The following HOXC6 variants were observed in gnomAD, a reference collection of about 807,000 sequenced individuals.
HOXC6 encodes homeobox C6, also known as homeobox protein Hox-C6.
In HOXC6, 10 loss-of-function variants were observed where a neutral mutation model predicts 24.0. That is an observed-to-expected ratio of 0.42 (90% confidence interval 0.26 to 0.71). HOXC6 has a LOEUF of 0.71. Ranked by LOEUF, HOXC6 falls within the 30% of genes least tolerant of loss-of-function variation. HOXC6 has a pLI of 0.28. For synonymous variants in HOXC6, 123 were observed against 128.1 expected, an observed-to-expected ratio of 0.96 and a Z score of 0.27; for missense variants, 258 against 303.4, an observed-to-expected ratio of 0.85 and a Z score of 1.11.
rs776708657 is a variant in HOXC6, at chr12:54,028,843, CA to C, written c.323del (p.Gln108ArgfsTer22). Reference sequence around the variant, plus strand: ...AATCGCTCAGGATTTTAGTTCTGAGCAGGGCAGGACTGCGCCCCAGGACCAG... The same window carrying C: ...AATCGCTCAGGATTTTAGTTCTGAGCGGGCAGGACTGCGCCCCAGGACCAG... ...TSIAQDFSSE[Q>X]GRTAPQDQKA... On this transcript the variant is annotated frameshift_variant, in exon 1 of 2. Coordinates refer to ENST00000243108, the MANE Select transcript of HOXC6 (RefSeq NM_004503.4). LOFTEE classifies it high-confidence loss of function. 6.2e-7 allele frequency: 1 copy of C among 1,614,144 alleles called. No individual in the cohort carries two copies. The highest frequency in any genetic ancestry group is 2.2e-5 in the East Asian group (1 of 44,892).
At chr12:54,028,246 C>CAT (rs147627891), upstream of HOXC6, 17,723 of 148,930 alleles carry the variant, frequency 0.12, 1,068 homozygotes, top group Non-Finnish European at 0.14. Flanking sequence ...AGTTCCCTTA[C>CAT]ATATATATAT....
intron 1 of HOXC6, among the ~76,000 whole-genome samples, chr12:54,017,655 G>A (rs1184914723): frequency 1.3e-5 from 2 of 152,112 alleles, no homozygotes; most frequent in Non-Finnish European, 2.9e-5. Flanking sequence ...TTGGGGGTGG[G>A]GAGGCAAGGG....
In HOXC6 at chr12:54,029,933, G is replaced by A. The variant is rs201035626; in HGVS notation, c.679G>A (p.Glu227Lys). ...GGGCGGAAAAGAGGAAAAGCGGGAA[G>A]AGACAGAAGAGGAGAAGCAGAAAGA... Reference protein sequence around the residue: ...SLGGKEEKREETEEEKQKE With the variant: ...SLGGKEEKREKTEEEKQKE Residue 227 changes from glutamate (E) to lysine (K), a missense_variant, in exon 2 of 2, where the codon GAG becomes AAG. Coordinates refer to ENST00000243108, the MANE Select transcript of HOXC6 (RefSeq NM_004503.4). 1.3e-4 allele frequency: 204 copies of A among 1,596,360 alleles called. No individual in the cohort carries two copies. Among genetic ancestry groups the A allele is most frequent in the Middle Eastern group, 3.4e-4 (2 of 5,958 alleles).
intron 1 of HOXC6, among the ~76,000 whole-genome samples, chr12:54,017,962 C>T: frequency 6.6e-6 from 1 of 152,154 alleles, no homozygotes; most frequent in East Asian, 1.9e-4. Context: ...CAGTGTGGGC[C>T]CAGGGCCGGG....
chr12:54,028,366 A>C, upstream of HOXC6: 1 of 727,678 alleles, frequency 1.4e-6, no homozygotes. Flanking sequence ...CCTTCCTGAC[A>C]TCTGGCTTGC....
upstream of HOXC6, among the ~76,000 whole-genome samples, chr12:54,024,277 C>T (rs1254883635): frequency 6.6e-6 from 1 of 152,168 alleles, no homozygotes; most frequent in African/African-American, 2.4e-5. Flanking sequence ...CGGTCGCGTC[C>T]AGGCAGCTGA....
At chr12:54,020,462 A>C (rs1940386298) in intron 1 of HOXC6, 1 of 152,184 alleles carries the variant, frequency 6.6e-6, no homozygotes, top group Non-Finnish European at 1.5e-5. Flanking sequence ...TGTGATCCCG[A>C]CAGAATGCGA....
At position 54,028,663 on chromosome 12, in the gene HOXC6, C is replaced by T; in HGVS notation, c.142C>T (p.Arg48Trp). 3 of 1,614,078 alleles carry T rather than the reference C, an allele frequency of 1.9e-6. No homozygotes were observed. The highest frequency in any genetic ancestry group is 2.5e-6 in the Non-Finnish European group (3 of 1,180,016). ...CTATGGAGCGGCCGTTGCCCAGAACCGGATCTACTCGACTCCCTTTTATTC... is the reference window on the plus strand; with the variant it reads ...CTATGGAGCGGCCGTTGCCCAGAACTGGATCTACTCGACTCCCTTTTATTC... ...STYGAAVAQNRIYSTPFYSPQ... is the reference protein window; with the variant it reads ...STYGAAVAQNWIYSTPFYSPQ... Residue 48 changes from arginine (R) to tryptophan (W), a missense_variant, in exon 1 of 2, where the codon CGG becomes TGG. Transcript: ENST00000243108.
At chr12:54,020,423 CAA>C (rs1940383490) in intron 1 of HOXC6, 1 of 152,252 alleles carries the variant, frequency 6.6e-6, no homozygotes, top group African/African-American at 2.4e-5. Flanking sequence ...TTGGGCAGAG[CAA>C]ACCCTTTCTC....
chr12:54,028,434 G>C, upstream of HOXC6: 1 of 1,409,300 alleles, frequency 7.1e-7, no homozygotes. Context: ...GATTGGAGCC[G>C]TCCCTATAAC....
At chr12:54,026,124 A>AG (rs955743170), upstream of HOXC6, among the ~76,000 whole-genome samples, 2 of 152,054 alleles carry the variant, frequency 1.3e-5, no homozygotes, top group Admixed American at 6.5e-5. Context: ...CTGAAATTGG[A>AG]GGGGGGGACA....
At position 54,030,051 on chromosome 12, in the gene HOXC6, C is replaced by G; in HGVS notation, c.*89C>G. On this transcript the variant is annotated 3_prime_UTR_variant, in exon 2 of 2. Transcript: ENST00000243108. Reference sequence around the variant, plus strand: ...TCACACACTCTGTATTTATCACTGGCACAATTGATGTGTTTTGATTCCCTA... The same window carrying G: ...TCACACACTCTGTATTTATCACTGGGACAATTGATGTGTTTTGATTCCCTA... 1.6e-6 allele frequency: 2 copies of G among 1,256,606 alleles called. No homozygotes were observed. Among genetic ancestry groups the G allele is most frequent in the Non-Finnish European group, 2.2e-6 (2 of 924,400 alleles). The allele number at this position is 1,256,606 out of a possible 1,614,324, so 77.8% of individuals were successfully genotyped here.
At chr12:54,020,777 G>A (rs1300492215) in intron 1 of HOXC6, 1 of 152,160 alleles carries the variant, frequency 6.6e-6, no homozygotes, top group Non-Finnish European at 1.5e-5. Context: ...CACTGGAATC[G>A]GAGTATGCGG....
At chr12:54,019,450 G>C (rs1940328779) in intron 1 of HOXC6, among the ~76,000 whole-genome samples, 1 of 152,150 alleles carries the variant, frequency 6.6e-6, no homozygotes, top group African/African-American at 2.4e-5. Context: ...GGGCCCGAGA[G>C]GCCCGAAAAA....
upstream of HOXC6, among the ~76,000 whole-genome samples, chr12:54,025,540 G>C (rs896512748): frequency 0.29 from 5,124 of 17,422 alleles, 406 homozygotes; most frequent in African/African-American, 0.4. Context: ...GGGGGGGGGA[G>C]GTGTTGAAAA....
chr12:54,018,486 G>T (rs1448970260), intron 1 of HOXC6, among the ~76,000 whole-genome samples: 1 of 152,232 alleles, frequency 6.6e-6, no homozygotes, highest in Non-Finnish European at 1.5e-5. Context: ...AGCCTGGGGC[G>T]GCGGGAGGGT....
In HOXC6 at chr12:54,029,780, A is replaced by T. The variant is rs751262560; in HGVS notation, c.526A>T (p.Asn176Tyr). The T allele has an allele frequency of 2.5e-6, 4 of 1,614,150 alleles. No individual in the cohort carries two copies. In the South Asian group the frequency reaches 3.3e-5, roughly 13 times the overall value. The change falls in exon 2 of 2, where the codon AAC becomes TAC. Residue 176 changes from asparagine (N) to tyrosine (Y), a missense_variant. Transcript: ENST00000243108. Reference protein sequence around the residue: ...LTRRRRIEIANALCLTERQIK... With the variant: ...LTRRRRIEIAYALCLTERQIK... ...GCGGCGCCGGCGCATCGAGATCGCC[A>T]ACGCGCTTTGCCTGACCGAGCGACA...
rs954142535 is a variant in HOXC6 at position 54,030,243 on chromosome 12, C to T, written c.*281C>T. 3.4e-6 allele frequency: 1 copy of T among 291,442 alleles called. No individual in the cohort carries two copies. Among genetic ancestry groups the T allele is most frequent in the Non-Finnish European group, 6.4e-6 (1 of 155,292 alleles). The allele number at this position is 291,442 out of a possible 1,614,324, so 18.1% of individuals were successfully genotyped here. A position where few individuals can be genotyped will look rare whatever the true frequency, so the allele number is the denominator to read the frequency against. ...CCGTCCAGGCCTTGGGGGCTCGGAC[C>T]CTGAACTCAGACTCTACAGATTGCC... On this transcript the variant is annotated 3_prime_UTR_variant, in exon 2 of 2. Coordinates refer to ENST00000243108, the MANE Select transcript of HOXC6 (RefSeq NM_004503.4).
intron 1 of HOXC6, among the ~76,000 whole-genome samples, chr12:54,018,163 T>C (rs1159440641): frequency 7.2e-6 from 1 of 138,212 alleles, no homozygotes; most frequent in South Asian, 2.3e-4. Flanking sequence ...GGTTGTAGGG[T>C]GGGGGTGGGG....
Sources: gnomAD v4.1 joint callset for allele counts (sites outside exome capture counted in the v4.1 genomes callset) on GRCh38, gnomAD v4.1.1 for gene constraint, MANE v1.5 for transcripts, NCBI Gene and HGNC (gene_info 2026-07-23, HGNC 2026-07-21) for gene names.